WWOX: variants seen among roughly 807,000 people sequenced by gnomAD.
WWOX encodes the protein WW domain-containing oxidoreductase.
In WWOX, 69 loss-of-function variants were observed where a neutral mutation model predicts 46.2. The observed-to-expected ratio is 1.49, with a 90% CI of 1.23 to 1.82. WWOX has a LOEUF of 1.82. WWOX is among the 40% of genes most tolerant of loss of function. The pLI is 0.00. For synonymous variants in WWOX, 359 were observed against 202.6 expected, an observed-to-expected ratio of 1.77 and a Z score of -6.56; for missense variants, 919 against 542.6, an observed-to-expected ratio of 1.69 and a Z score of -6.89.
intron 8 of WWOX, among the ~76,000 whole-genome samples, chr16:78,542,365 T>G (rs2043919335): frequency 1.3e-5 from 2 of 151,966 alleles, no homozygotes; most frequent in South Asian, 4.2e-4. Context: ...ATCTGAAAAT[T>G]AGGAGAGAGA....
At chr16:78,356,530 G>C (rs879410031) in intron 5 of WWOX, among the ~76,000 whole-genome samples, 1 of 152,124 alleles carries the variant, frequency 6.6e-6, no homozygotes, top group African/African-American at 2.4e-5. Context: ...TCTGAATGTG[G>C]AGAGGTAGGT....
At chr16:79,015,673 T>C (rs1254816279) in intron 8 of WWOX, among the ~76,000 whole-genome samples, 5 of 152,220 alleles carry the variant, frequency 3.3e-5, no homozygotes, top group African/African-American at 1.2e-4. Flanking sequence ...TGTCTCCGTA[T>C]ATTTTCTCCT....
chr16:79,163,503 T>C (rs56905720), intron 8 of WWOX, among the ~76,000 whole-genome samples: 4,638 of 152,164 alleles, frequency 0.03, 258 homozygotes, highest in African/African-American at 0.11. Context: ...ATATTCATCA[T>C]GATGTTAGAG....
intron 8 of WWOX, among the ~76,000 whole-genome samples, chr16:78,988,237 G>T (rs1167085690): frequency 6.6e-6 from 1 of 151,742 alleles, no homozygotes; most frequent in East Asian, 1.9e-4. Context: ...TCAGCTCCTC[G>T]GGAGGCTGAG....
At chr16:78,495,945 G>A (rs1432852191) in intron 8 of WWOX, 1 of 152,208 alleles carries the variant, frequency 6.6e-6, no homozygotes, top group Non-Finnish European at 1.5e-5. Context: ...AGTTCTCAGA[G>A]ATTCCTTGAG....
In WWOX at chr16:78,099,667, G is replaced by C. The variant is rs1257274288; in HGVS notation, c.-112G>C. 2.9e-6 allele frequency: 4 copies of C among 1,357,732 alleles called. No homozygotes were observed. The highest frequency in any genetic ancestry group is 3.9e-6 in the Non-Finnish European group (4 of 1,031,848). 84.1% of individuals were successfully genotyped at this position (1,357,732 alleles called of 1,614,324 possible). A position where few individuals can be genotyped will look rare whatever the true frequency, so the allele number is the denominator to read the frequency against. On this transcript the variant is annotated 5_prime_UTR_variant, in exon 1 of 9. Transcript: ENST00000566780. Reference sequence around the variant, plus strand: ...CCCCTGGAGGGCGCAGTGCGCAGGCGTGAGCGGTCGGGCCCCGACGCGCGC... The same window carrying C: ...CCCCTGGAGGGCGCAGTGCGCAGGCCTGAGCGGTCGGGCCCCGACGCGCGC...
intron 8 of WWOX, among the ~76,000 whole-genome samples, chr16:78,433,091 G>C (rs2083262041): frequency 6.6e-6 from 1 of 152,144 alleles, no homozygotes; most frequent in Non-Finnish European, 1.5e-5. Flanking sequence ...GTTGAATGGA[G>C]CACTTGAAAA....
intron 6 of WWOX, among the ~76,000 whole-genome samples, chr16:78,418,986 T>C (rs1309496649): frequency 2.0e-5 from 3 of 151,954 alleles, no homozygotes; most frequent in Non-Finnish European, 4.4e-5. Context: ...AAAAAAAAGA[T>C]CCAGATTGAA....
intron 8 of WWOX, chr16:78,897,074 A>C (rs1190228870): frequency 7.9e-6 from 1 of 126,304 alleles, no homozygotes; most frequent in Admixed American, 7.6e-5. Context: ...CTAAAAATAC[A>C]AAAAAAAGAA....
chr16:78,754,943 C>T (rs553824435), intron 8 of WWOX, among the ~76,000 whole-genome samples: 2 of 151,740 alleles, frequency 1.3e-5, no homozygotes, highest in African/African-American at 4.8e-5. Flanking sequence ...AGAATGCTGT[C>T]CACAAAGAGC....
chr16:78,977,175 G>C (rs1875939), intron 8 of WWOX, among the ~76,000 whole-genome samples: 145,586 of 152,174 alleles, frequency 0.96, 69,991 homozygotes, highest in East Asian at 1. Context: ...ATTCACTCAA[G>C]TGTTTGTTTT....
At chr16:79,042,174 A>G (rs903120585) in intron 8 of WWOX, among the ~76,000 whole-genome samples, 6 of 152,104 alleles carry the variant, frequency 3.9e-5, no homozygotes, top group Non-Finnish European at 7.4e-5. Context: ...TCAGATGCAC[A>G]CAGTGATTGA....
At chr16:78,982,549 G>A (rs2046703302) in intron 8 of WWOX, among the ~76,000 whole-genome samples, 1 of 152,188 alleles carries the variant, frequency 6.6e-6, no homozygotes, top group African/African-American at 2.4e-5. Flanking sequence ...ACAGTGAGTA[G>A]AGTAGGGAGT....
chr16:78,362,844 G>C (rs1041469946), intron 5 of WWOX, among the ~76,000 whole-genome samples: 8 of 152,178 alleles, frequency 5.3e-5, no homozygotes, highest in Admixed American at 5.2e-4. Context: ...CTAGTATTTT[G>C]CTTGCAAAGA....
At chr16:79,029,218 A>G (rs1332575813) in intron 8 of WWOX, among the ~76,000 whole-genome samples, 1 of 152,020 alleles carries the variant, frequency 6.6e-6, no homozygotes, top group Admixed American at 6.6e-5. Context: ...CCTTTGCCCC[A>G]CCCCGTCACG....
intron 6 of WWOX, among the ~76,000 whole-genome samples, chr16:78,390,274 A>G (rs773532554): frequency 2.3e-4 from 35 of 152,232 alleles, no homozygotes; most frequent in African/African-American, 8.0e-4. Context: ...CAACTGTTAC[A>G]TAATAGGATC....
intron 8 of WWOX, among the ~76,000 whole-genome samples, chr16:78,500,971 C>T (rs1423755999): frequency 6.6e-6 from 1 of 152,124 alleles, no homozygotes; most frequent in Non-Finnish European, 1.5e-5. Context: ...TGGTGTTTAG[C>T]TTGACTTAAA....
chr16:78,873,180 T>G (rs1245633966), intron 8 of WWOX: 1 of 152,214 alleles, frequency 6.6e-6, no homozygotes, highest in Non-Finnish European at 1.5e-5. Flanking sequence ...GTGAAAAATT[T>G]GAGTCGTGCA....
intron 8 of WWOX, among the ~76,000 whole-genome samples, chr16:78,694,431 C>G (rs561947946): frequency 6.6e-6 from 1 of 152,302 alleles, no homozygotes; most frequent in South Asian, 2.1e-4. Flanking sequence ...ATTGTCAAGG[C>G]AGAAGCAGCC....
Sources: gnomAD v4.1 joint callset for allele counts (sites outside exome capture counted in the v4.1 genomes callset) on GRCh38, gnomAD v4.1.1 for gene constraint, MANE v1.5 for transcripts, NCBI Gene and HGNC (gene_info 2026-07-23, HGNC 2026-07-21) for gene names.